The following SEC23IP variants were observed in gnomAD, a reference collection of about 807,000 sequenced individuals.
SEC23IP encodes SEC23-interacting protein.
A neutral mutation model predicts 113.4 loss-of-function variants in SEC23IP; 70 were observed. That is an observed-to-expected ratio of 0.62 (90% CI 0.51 to 0.75). The LOEUF (loss-of-function observed/expected upper bound fraction) is 0.75. Among genes scored for constraint, SEC23IP ranks in the 30% least tolerant of loss-of-function variants. The pLI is 0.00. For synonymous variants in SEC23IP, 398 were observed against 421.0 expected (o/e 0.95, Z 0.67); for missense variants, 1,160 against 1,204.9 (o/e 0.96, Z 0.55).
intron 2 of SEC23IP, 81 bp from the exon 3 acceptor site, chr10:119,902,718 A>T: frequency 9.3e-7 from 1 of 1,077,824 alleles, no homozygotes; most frequent in Non-Finnish European, 1.4e-6. Context: ...AGGATAATCT[A>T]CTAACATCAG....
At chr10:119,937,519 G>C (rs1181790208) in intron 18 of SEC23IP, among the ~76,000 whole-genome samples, 1 of 151,896 alleles carries the variant, frequency 6.6e-6, no homozygotes, top group East Asian at 1.9e-4. Context: ...CCAGCTACTT[G>C]GGATGCTGAG....
intron 12 of SEC23IP, among the ~76,000 whole-genome samples, chr10:119,921,371 G>A (rs904811376): frequency 8.5e-5 from 13 of 152,308 alleles, no homozygotes; most frequent in African/African-American, 3.1e-4. Context: ...ATGGGATCTT[G>A]CTGTGTTTCC....
At chr10:119,907,321 TGAA>T (rs1854707098) in intron 4 of SEC23IP, among the ~76,000 whole-genome samples, 1 of 151,636 alleles carries the variant, frequency 6.6e-6, no homozygotes, top group Non-Finnish European at 1.5e-5. Context: ...GGAAGACTGA[TGAA>T]GAGGAATTGT....
At position 119,922,153 on chromosome 10, in the gene SEC23IP, G is replaced by A. The variant is rs60633386; in HGVS notation, c.2121+1169G>A. 2.3e-3 allele frequency among the ~76,000 whole-genome samples: 351 copies of A among 152,264 alleles called. 3 individuals are homozygous for A. In the East Asian group the frequency reaches 0.039, roughly 17 times the overall value. On this transcript the variant is annotated intron_variant, in intron 12 of 18. Transcript: ENST00000369075. ...GTGTGTGCTGTCCTGAGGCAGATGA[G>A]AGGTGGCAGTTCTGGCTTGTTGAGA...
chr10:119,924,734 A>G (rs1013391551), intron 12 of SEC23IP, among the ~76,000 whole-genome samples: 1 of 151,702 alleles, frequency 6.6e-6, no homozygotes. Context: ...TTTTATATAG[A>G]TGCCCCAAAA....
chr10:119,911,958 A>C, intron 5 of SEC23IP, 86 bp from the exon 6 acceptor site: 3 of 1,479,202 alleles, frequency 2.0e-6, no homozygotes, highest in South Asian at 1.2e-5. Context: ...ACTCTGAGGT[A>C]TAGCTTATTA....
Position 119,904,237 on chromosome 10 carries a change from G to C in SEC23IP, c.1061G>C (p.Arg354Pro), listed in dbSNP as rs769414189. ...TWFYKGDTDSRFIPYTEEFSE... is the reference protein window; with the variant it reads ...TWFYKGDTDSPFIPYTEEFSE... ...TTTTACAAGGGGGACACAGATAGTC[G>C]ATTTATTCCCTATACTGAGGAGTTC... The change falls in exon 4 of 19, where the codon CGA becomes CCA. Residue 354 changes from arginine to proline, a missense_variant. Physicochemically the swap from Arg to Pro is moderately radical, Grantham distance 103 (BLOSUM62 -2). Transcript: ENST00000369075. 1.2e-6 allele frequency: 2 copies of C among 1,614,130 alleles called. No homozygotes were observed. The highest frequency in any genetic ancestry group is 1.3e-5 in the African/African-American group (1 of 75,042).
Position 119,908,043 on chromosome 10 carries a change from T to G in SEC23IP, c.1102-998T>G, listed in dbSNP as rs186518080. On this transcript the variant is annotated intron_variant, in intron 4 of 18. Transcript: ENST00000369075. ...TAAGTAATCTAGAGAAGATTTAAAG[T>G]ATAAGGGAGGATGTATGTAGGTTTT... 1.9e-3 allele frequency among the ~76,000 whole-genome samples: 290 copies of G among 152,276 alleles called. 1 individual carries two copies. The highest frequency in any genetic ancestry group is 6.7e-3 in the African/African-American group (278 of 41,560).
At chr10:119,915,657 TA>T in intron 7 of SEC23IP, 90 bp from the exon 8 acceptor site, 2 of 890,408 alleles carry the variant, frequency 2.2e-6, no homozygotes, top group African/African-American at 1.7e-5. Flanking sequence ...TTTATGTTAT[TA>T]AAAATACTGG....
chr10:119,905,007 G>T (rs1309831331), intron 4 of SEC23IP, among the ~76,000 whole-genome samples: 1 of 152,050 alleles, frequency 6.6e-6, no homozygotes, highest in Non-Finnish European at 1.5e-5. Context: ...GGTGGCACAC[G>T]CTAGTAGTCC....
chr10:119,895,395 A>G (rs1316162336), intron 1 of SEC23IP, among the ~76,000 whole-genome samples: 8 of 152,106 alleles, frequency 5.3e-5, no homozygotes, highest in Non-Finnish European at 1.2e-4. Context: ...AAAACCAGAC[A>G]TGGATTGAGC....
At chr10:119,928,603 C>T (rs1855494353) in intron 13 of SEC23IP, among the ~76,000 whole-genome samples, 1 of 152,212 alleles carries the variant, frequency 6.6e-6, no homozygotes, top group Non-Finnish European at 1.5e-5. Context: ...TGGTTCTTGC[C>T]TTGCCTCCCT....
chr10:119,918,411 A>G lies in SEC23IP; in HGVS notation c.1772A>G (p.Asp591Gly). The G allele has an allele frequency of 6.2e-7, 1 of 1,604,978 alleles. No individual in the cohort carries two copies. The highest frequency in any genetic ancestry group is 8.5e-7 in the Non-Finnish European group (1 of 1,171,996). ...TTCATAGGTTCTTTAATATTGTTTG[A>G]CATCCTGTCTAATCAAAAAGATTTG... ...GHSLGSLILFDILSNQKDLNL... is the reference protein window; with the variant it reads ...GHSLGSLILFGILSNQKDLNL... The change falls in exon 10 of 19, where the codon GAC becomes GGC. Residue 591 changes from aspartate to glycine, a missense_variant. Asp to Gly is a moderately conservative substitution (Grantham distance 94). Transcript: ENST00000369075.
chr10:119,903,979 C>A, intron 3 of SEC23IP, 105 bp from the exon 4 acceptor site: 1 of 1,237,192 alleles, frequency 8.1e-7, no homozygotes, highest in Admixed American at 2.2e-5. Flanking sequence ...CTCGGCCTCC[C>A]AGGGTGCTGG....
Position 119,898,619 on chromosome 10 carries a change from C to G in SEC23IP, c.356C>G (p.Ala119Gly). 9 of 1,614,226 alleles carry G rather than the reference C, an allele frequency of 5.6e-6. No homozygotes were observed. Among genetic ancestry groups the G allele is most frequent in the Non-Finnish European group, 7.6e-6 (9 of 1,180,036 alleles). Residue 119 changes from alanine (A) to glycine (G), a missense_variant, in exon 2 of 19, where the codon GCT (alanine) becomes GGT (glycine). Ala to Gly is a moderately conservative substitution (Grantham distance 60, BLOSUM62 0). Transcript: ENST00000369075. ...TCAGGATTCCCCAAGCCCCTGACTG[C>G]TCTCCCTTTTACAACTGGATCCCAA... The part of the protein sequence containing the change: ...GQSGFPKPLT[A>G]LPFTTGSQDV...
intron 18 of SEC23IP, among the ~76,000 whole-genome samples, chr10:119,935,937 C>G (rs78459908): frequency 6.6e-6 from 1 of 152,174 alleles, no homozygotes; most frequent in African/African-American, 2.4e-5. Flanking sequence ...AGAGTGACCT[C>G]GTTCTTTTTA....
At chr10:119,914,893 A>C in intron 7 of SEC23IP, 74 bp downstream of exon 7, 1 of 1,391,112 alleles carries the variant, frequency 7.2e-7, no homozygotes, top group Non-Finnish European at 1.0e-6. Flanking sequence ...ATTCATTTTT[A>C]GGATAGTTCC....
Position 119,929,593 on chromosome 10 carries a change from T to C in SEC23IP, c.2314-14T>C. 1 of 1,598,778 alleles carries C rather than the reference T, an allele frequency of 6.3e-7. No individual in the cohort carries two copies. The highest frequency in any genetic ancestry group is 1.1e-5 in the South Asian group (1 of 89,124). ...TGGAACAATCATCTTTCATTGTTAT[T>C]TGATTCTTTCCAGGTTTCTGTTGCT... On this transcript the variant is annotated splice_polypyrimidine_tract_variant and intron_variant, in intron 13 of 18. Transcript: ENST00000369075.
intron 5 of SEC23IP, 27 bp downstream of exon 5, chr10:119,909,157 G>T: frequency 7.0e-7 from 1 of 1,437,724 alleles, no homozygotes. Context: ...AAATTTTAAG[G>T]TATTAAGTTC....
Sources: gnomAD v4.1 joint callset for allele counts (sites outside exome capture counted in the v4.1 genomes callset) on GRCh38, gnomAD v4.1.1 for gene constraint, MANE v1.5 for transcripts, NCBI Gene and HGNC (gene_info 2026-07-23, HGNC 2026-07-21) for gene names.